WASL: variants seen among roughly 807,000 people sequenced by gnomAD.
WASL encodes the protein actin nucleation-promoting factor WASL.
Under a neutral mutation model 55.5 loss-of-function variants are expected in WASL, and 20 were observed. That is an observed-to-expected ratio of 0.36 (90% CI 0.25 to 0.52). The LOEUF is 0.52. Ranked by LOEUF, WASL falls within the 20% of genes least tolerant of loss-of-function variation. WASL has a pLI of 0.92. For missense variants in WASL, 504 were observed against 622.5 expected (o/e 0.81, Z 2.03); for synonymous variants, 249 against 217.6 (o/e 1.14, Z -1.27).
chr7:123,728,037 A>G (rs1196651860), intron 1 of WASL, among the ~76,000 whole-genome samples: 2 of 152,212 alleles, frequency 1.3e-5, no homozygotes, highest in Admixed American at 6.5e-5. Flanking sequence ...AGAAAGCTTA[A>G]TTGTAAAATA....
chr7:123,736,846 T>C (rs1317142520), intron 1 of WASL, among the ~76,000 whole-genome samples: 2 of 152,148 alleles, frequency 1.3e-5, no homozygotes, highest in Non-Finnish European at 2.9e-5. Flanking sequence ...AAGCCAAATG[T>C]TTTTTGGTAA....
At chr7:123,721,318 C>CTT (rs34934949) in intron 1 of WASL, among the ~76,000 whole-genome samples, 149,851 of 152,268 alleles carry the variant, frequency 0.98, 73,786 homozygotes, top group East Asian at 1. Flanking sequence ...GTTTGCTTGA[C>CTT]TGACATGTAC....
chr7:123,713,555 AAC>A (rs1490997483), intron 1 of WASL, among the ~76,000 whole-genome samples: 2 of 152,200 alleles, frequency 1.3e-5, no homozygotes, highest in Admixed American at 1.3e-4. Context: ...GGCCTAGATT[AAC>A]AGTCAAATAC....
chr7:123,704,861 A>G (rs889769195), intron 4 of WASL, among the ~76,000 whole-genome samples: 2 of 152,194 alleles, frequency 1.3e-5, no homozygotes, highest in African/African-American at 4.8e-5. Context: ...GGAGGGTGCA[A>G]CATGAAAGAA....
At chr7:123,704,708 T>C in intron 4 of WASL, 51 bp from the exon 5 acceptor site, 1 of 1,223,010 alleles carries the variant, frequency 8.2e-7, no homozygotes, top group Non-Finnish European at 1.1e-6. Flanking sequence ...TAAGACAACA[T>C]CAACATAAAA....
intron 9 of WASL, among the ~76,000 whole-genome samples, chr7:123,690,953 T>G (rs1295559292): frequency 6.6e-6 from 1 of 152,166 alleles, no homozygotes; most frequent in Non-Finnish European, 1.5e-5. Flanking sequence ...CAACTGCTCT[T>G]GACAGGCCTT....
At chr7:123,708,770 T>C (rs906166218) in intron 2 of WASL, among the ~76,000 whole-genome samples, 2 of 147,452 alleles carry the variant, frequency 1.4e-5, no homozygotes, top group Non-Finnish European at 1.5e-5. Context: ...CCAGGTGGAA[T>C]AAAAGAGTTT....
chr7:123,748,708 C>A lies in WASL; in HGVS notation c.27G>T (p.Pro9=). ...CCACGTTGGTGACCCTCCGCGGCGG[C>A]GGCGGCTGCTGCTGGACGGAGCTCA... The part of the protein sequence containing the change: MSSVQQQP[P]PPRRVTNVGS... Residue 9 remains proline (P), a synonymous_variant, in exon 1 of 11, where the codon CCG becomes CCT. Coordinates refer to ENST00000223023, the MANE Select transcript of WASL (RefSeq NM_003941.4). 6.2e-7 allele frequency: 1 copy of A among 1,607,150 alleles called. No homozygotes were observed. Among genetic ancestry groups the A allele is most frequent in the Non-Finnish European group, 8.5e-7 (1 of 1,177,274 alleles).
Position 123,748,915 on chromosome 7 carries a change from T to C in WASL, c.-181A>G. 1.8e-6 allele frequency: 1 copy of C among 566,724 alleles called. No homozygotes were observed. The highest frequency in any genetic ancestry group is 3.1e-6 in the Non-Finnish European group (1 of 326,524). 35.1% of individuals were successfully genotyped at this position (566,724 alleles called of 1,614,324 possible). ...AAGCAGGCGCTGACGGCGAGCCACC[T>C]TCGCGCCGCGCTGAGAAAGGGAAGC... On this transcript the variant is annotated 5_prime_UTR_variant, in exon 1 of 11. Coordinates refer to ENST00000223023, the MANE Select transcript of WASL (RefSeq NM_003941.4).
At chr7:123,711,089 C>T (rs1489534535) in intron 1 of WASL, among the ~76,000 whole-genome samples, 2 of 152,102 alleles carry the variant, frequency 1.3e-5, no homozygotes, top group African/African-American at 4.8e-5. Context: ...CTAAAAATCT[C>T]CCTACTTCGC....
chr7:123,703,080 A>C (rs941501497), intron 5 of WASL, among the ~76,000 whole-genome samples: 1 of 152,200 alleles, frequency 6.6e-6, no homozygotes, highest in Non-Finnish European at 1.5e-5. Flanking sequence ...TACTACATTA[A>C]AAGTTCACAG....
chr7:123,708,533 A>G (rs1803706192), intron 2 of WASL, among the ~76,000 whole-genome samples: 1 of 152,188 alleles, frequency 6.6e-6, no homozygotes, highest in South Asian at 2.1e-4. Flanking sequence ...ATACCTAACA[A>G]GGTATTCAAT....
At chr7:123,713,444 T>C (rs1803790880) in intron 1 of WASL, among the ~76,000 whole-genome samples, 1 of 152,190 alleles carries the variant, frequency 6.6e-6, no homozygotes, top group South Asian at 2.1e-4. Flanking sequence ...CGAGCCACTG[T>C]GCCTGGCCAA....
intron 10 of WASL, among the ~76,000 whole-genome samples, chr7:123,688,031 C>T (rs1803323792): frequency 6.6e-6 from 1 of 152,106 alleles, no homozygotes; most frequent in South Asian, 2.1e-4. Context: ...AACTGAGGCT[C>T]ACAGAGATTA....
chr7:123,736,701 T>C (rs1035855492), intron 1 of WASL, among the ~76,000 whole-genome samples: 1 of 152,114 alleles, frequency 6.6e-6, no homozygotes, highest in African/African-American at 2.4e-5. Flanking sequence ...AAATGGGTAA[T>C]GTATATATAA....
chr7:123,707,016 T>C (rs532830028), intron 2 of WASL, among the ~76,000 whole-genome samples, 190 bp from the exon 3 acceptor site: 4 of 152,296 alleles, frequency 2.6e-5, no homozygotes, highest in East Asian at 1.9e-4. Flanking sequence ...CTGAAAACAC[T>C]GGATAACGTA....
intron 10 of WASL, among the ~76,000 whole-genome samples, chr7:123,686,823 G>A (rs1020748457): frequency 1.3e-5 from 2 of 152,022 alleles, no homozygotes; most frequent in Admixed American, 6.6e-5. Flanking sequence ...GAGGATTAGG[G>A]CTAAGAATTT....
At chr7:123,734,167 G>C (rs1804187961) in intron 1 of WASL, among the ~76,000 whole-genome samples, 1 of 152,066 alleles carries the variant, frequency 6.6e-6, no homozygotes, top group South Asian at 2.1e-4. Flanking sequence ...ACTTCTTTCT[G>C]TGAAAGACAC....
intron 9 of WASL, among the ~76,000 whole-genome samples, chr7:123,691,348 A>G (rs1271010414): frequency 6.6e-6 from 1 of 152,188 alleles, no homozygotes; most frequent in Non-Finnish European, 1.5e-5. Flanking sequence ...GATAGGAGTC[A>G]GCAAACTTGA....
Sources: gnomAD v4.1 joint callset for allele counts (sites outside exome capture counted in the v4.1 genomes callset) on GRCh38, gnomAD v4.1.1 for gene constraint, MANE v1.5 for transcripts, NCBI Gene and HGNC (gene_info 2026-07-23, HGNC 2026-07-21) for gene names.